Variants in CYP11A1 observed in about 807,000 individuals in gnomAD.
CYP11A1 encodes the protein cytochrome P450 family 11 subfamily A member 1, also known as cholesterol side-chain cleavage enzyme, mitochondrial.
CYP11A1 carries 25 observed loss-of-function variants against 51.9 expected under a neutral mutation model. That is an observed-to-expected ratio of 0.48 (90% CI 0.35 to 0.67). CYP11A1 has a LOEUF of 0.67. CYP11A1 is among the 30% of genes least tolerant of loss of function. The pLI is 0.00. For missense variants in CYP11A1, 578 were observed against 680.9 expected (o/e 0.85, Z 1.68); for synonymous variants, 245 against 262.1 (o/e 0.93, Z 0.63).
At chr15:74,338,330 T>C in intron 8 of CYP11A1, 1 of 705,558 alleles carries the variant, frequency 1.4e-6, no homozygotes, top group Non-Finnish European at 2.5e-6. Context: ...CTCAGTCCTA[T>C]CCCATCCCAT....
rs745837781 is a variant in CYP11A1 at position 74,345,198 on chromosome 15, C to T, written c.471G>A (p.Glu157=). The part of the protein sequence containing the change: ...WKKDRVALNQ[E]VMAPEATKNF... ...TCTTGGTGGCCTCTGGAGCCATCAC[C>T]TCCTGGTTCAGGGCCACCCGGTCTT... Residue 157 remains glutamate (E), a synonymous_variant, in exon 3 of 9, where the codon GAG becomes GAA. Coordinates refer to ENST00000268053, the MANE Select transcript of CYP11A1 (RefSeq NM_000781.3). This position sits in a 1 kb window ranked among gnomAD's most constrained non-coding sequence, Gnocchi z 4.3. 1.2e-5 allele frequency: 19 copies of T among 1,614,226 alleles called. No homozygotes were observed. The South Asian group carries it at 2.1e-4, about 18-fold the overall frequency.
chr15:74,357,632 T>C (rs2060686605), intron 1 of CYP11A1, among the ~76,000 whole-genome samples: 1 of 152,208 alleles, frequency 6.6e-6, no homozygotes, highest in Non-Finnish European at 1.5e-5. Context: ...ACACTAGCTC[T>C]CTCTAACTCA....
rs1567053977 is a variant in CYP11A1 at position 74,347,975 on chromosome 15, T to A, written c.350A>T (p.Asn117Ile). 6.2e-7 allele frequency: 1 copy of A among 1,614,200 alleles called. No homozygotes were observed. The highest frequency in any genetic ancestry group is 8.5e-7 in the Non-Finnish European group (1 of 1,180,022). ...GGGCGGGATGAGGAATCGTTCTGGG[T>A]TGGGGCCCTCGGACTTAAAGAGAAG... ...VALLFKSEGP[N>I]PERFLIPPWV... Residue 117 changes from asparagine to isoleucine, a missense_variant, in exon 2 of 9, where the codon AAC becomes ATC. By Grantham distance (149) the Asn-to-Ile change is moderately radical. Transcript: ENST00000268053.
intron 1 of CYP11A1, chr15:74,354,337 T>A (rs902903498): frequency 6.6e-6 from 1 of 152,192 alleles, no homozygotes; most frequent in African/African-American, 2.4e-5. Context: ...GAGCACCTTG[T>A]GACCCCCACC....
At chr15:74,356,769 A>C (rs988745397) in intron 1 of CYP11A1, among the ~76,000 whole-genome samples, 5 of 152,074 alleles carry the variant, frequency 3.3e-5, no homozygotes, top group African/African-American at 7.2e-5. Flanking sequence ...CCTTTTCCCC[A>C]GTTTAAAGCC....
intron 5 of CYP11A1, among the ~76,000 whole-genome samples, chr15:74,340,844 C>G (rs1455077385): frequency 1.3e-5 from 2 of 152,100 alleles, no homozygotes; most frequent in Non-Finnish European, 2.9e-5. Context: ...ACCCCACTCC[C>G]CACCTCTCTC....
intron 5 of CYP11A1, among the ~76,000 whole-genome samples, chr15:74,341,966 G>A (rs563823689): frequency 2.6e-5 from 4 of 152,264 alleles, no homozygotes; most frequent in Admixed American, 6.5e-5. Context: ...TCCAGCCTCC[G>A]GAACTGTGAG....
Position 74,345,268 on chromosome 15 carries a change from C to T in CYP11A1, c.426-25G>A. 1 of 1,613,934 alleles carries T rather than the reference C, an allele frequency of 6.2e-7. No individual in the cohort carries two copies. Among genetic ancestry groups the T allele is most frequent in the African/African-American group, 1.3e-5 (1 of 75,044 alleles). ...CCTGAGAAAACATGGGCCCACAAGCCCTCATGGTCACAGACCCCAGGCCTG... is the reference window on the plus strand; with the variant it reads ...CCTGAGAAAACATGGGCCCACAAGCTCTCATGGTCACAGACCCCAGGCCTG... On this transcript the variant is annotated intron_variant, in intron 2 of 8. Transcript: ENST00000268053. This position sits in a 1 kb window ranked among gnomAD's most constrained non-coding sequence, Gnocchi z 4.3.
At chr15:74,359,318 A>G (rs1202112650) in intron 1 of CYP11A1, among the ~76,000 whole-genome samples, 2 of 152,002 alleles carry the variant, frequency 1.3e-5, no homozygotes, top group African/African-American at 4.8e-5. Context: ...ACCACCCCCA[A>G]AATTTTTGCT....
chr15:74,362,129 T>A lies in CYP11A1; in HGVS notation c.269+5188A>T, dbSNP rs560893674. On this transcript the variant is annotated intron_variant, in intron 1 of 8. Coordinates refer to ENST00000268053, the MANE Select transcript of CYP11A1 (RefSeq NM_000781.3). Reference sequence around the variant, plus strand: ...CACCCTCCACCCCATTTGCTCGCAGTATCCTAGAATCTTTGTGCTCTCGCT... The same window carrying A: ...CACCCTCCACCCCATTTGCTCGCAGAATCCTAGAATCTTTGTGCTCTCGCT... 3 of 807,724 alleles carry A rather than the reference T, an allele frequency of 3.7e-6. No homozygotes were observed. The East Asian group carries it at 7.5e-5, about 20-fold the overall frequency. 50.0% of individuals were successfully genotyped at this position (807,724 alleles called of 1,614,324 possible).
At position 74,339,646 on chromosome 15, in the gene CYP11A1, G is replaced by C; in HGVS notation, c.1098C>G (p.Asp366Glu). The C allele has an allele frequency of 6.2e-7, 1 of 1,614,152 alleles. No individual in the cohort carries two copies. Among genetic ancestry groups the C allele is most frequent in the Non-Finnish European group, 8.5e-7 (1 of 1,180,010 alleles). The change falls in exon 6 of 9, where the codon GAC becomes GAG. Residue 366 changes from aspartate (D) to glutamate (E), a missense_variant. Transcript: ENST00000268053. ...GGACCAGCTGTAGCATCGTGGCCAT[G>C]TCTCCCTGGGCCTGGTGCCGCGCAG... Reference protein sequence around the residue: ...VLAARHQAQGDMATMLQLVPL... With the variant: ...VLAARHQAQGEMATMLQLVPL...
chr15:74,365,605 T>A, intron 1 of CYP11A1: 1 of 883,986 alleles, frequency 1.1e-6, no homozygotes, highest in Non-Finnish European at 1.4e-6. Context: ...TGGGGAAGGT[T>A]GAGGCCTCAG....
chr15:74,339,520 C>T, intron 6 of CYP11A1, 67 bp downstream of exon 6: 2 of 1,586,896 alleles, frequency 1.3e-6, no homozygotes, highest in Non-Finnish European at 1.7e-6. Context: ...TAACCCTTTC[C>T]CCGGGCACTT....
intron 1 of CYP11A1, chr15:74,366,232 C>G (rs1220964629): frequency 1.7e-5 from 17 of 984,062 alleles, no homozygotes; most frequent in Non-Finnish European, 2.0e-5. Context: ...GACCACGCTG[C>G]GACCTTTTCA....
chr15:74,358,325 A>G (rs955281060), intron 1 of CYP11A1, among the ~76,000 whole-genome samples: 28 of 152,018 alleles, frequency 1.8e-4, no homozygotes, highest in Non-Finnish European at 1.5e-5. Flanking sequence ...CCACCTATCA[A>G]TCTCTTCCCA....
chr15:74,348,168 A>G (rs2060640881), intron 1 of CYP11A1, 113 bp from the exon 2 acceptor site: 2 of 1,256,592 alleles, frequency 1.6e-6, no homozygotes, highest in Admixed American at 4.0e-5. Context: ...ACCTGAGTCG[A>G]GGCCCTTAAC....
chr15:74,351,513 T>A (rs991094616), intron 1 of CYP11A1, among the ~76,000 whole-genome samples: 5 of 152,192 alleles, frequency 3.3e-5, no homozygotes, highest in Non-Finnish European at 7.3e-5. Context: ...GCTACTCTTA[T>A]AAAGTTCATA....
chr15:74,362,650 TC>T (rs2060714265), intron 1 of CYP11A1: 1 of 152,204 alleles, frequency 6.6e-6, no homozygotes, highest in Admixed American at 6.5e-5. Flanking sequence ...GGGAAATTTC[TC>T]CCAAGAAGAA....
chr15:74,365,618 C>G, intron 1 of CYP11A1: 1 of 951,858 alleles, frequency 1.1e-6, no homozygotes, highest in Non-Finnish European at 1.3e-6. Context: ...GGCCTCAGGC[C>G]TGGGAACTAG....
Sources: allele counts gnomAD v4.1 joint callset (sites outside exome capture counted in the v4.1 genomes callset), GRCh38; gene constraint gnomAD v4.1.1; non-coding constraint Gnocchi (gnomAD v3.1); transcripts MANE v1.5; gene names NCBI Gene and HGNC (gene_info 2026-07-23, HGNC 2026-07-21).